LANCL1: variants seen among roughly 807,000 people sequenced by gnomAD.
LANCL1 encodes the protein LanC like glutathione S-transferase 1, also known as glutathione S-transferase LANCL1.
A neutral mutation model predicts 50.6 loss-of-function variants in LANCL1; 50 were observed. That is an observed-to-expected ratio of 0.99 (90% CI 0.79 to 1.25). The LOEUF (loss-of-function observed/expected upper bound fraction) is 1.25, where lower values mean the gene tolerates loss of function less well. LANCL1 is among the 50% of genes most tolerant of loss of function. The pLI is 0.00. For synonymous variants in LANCL1, 188 were observed against 178.6 expected (o/e 1.05, Z -0.42); for missense variants, 532 against 480.7 (o/e 1.11, Z -1.00).
intron 4 of LANCL1, among the ~76,000 whole-genome samples, chr2:210,447,889 T>TC (rs1489743540): frequency 1.3e-5 from 2 of 152,062 alleles, no homozygotes; most frequent in Non-Finnish European, 2.9e-5. Flanking sequence ...AGACTTAGAC[T>TC]CCCACACAAA....
chr2:210,468,638 G>C (rs1474296714), intron 3 of LANCL1: 1 of 152,236 alleles, frequency 6.6e-6, no homozygotes, highest in Non-Finnish European at 1.5e-5. Context: ...TTTAAAGGGA[G>C]AGCATGCATT....
rs531707231 is a variant in LANCL1, at chr2:210,450,623, A to G, written c.407+4484T>C. Among the ~76,000 whole-genome samples the G allele has an allele frequency of 8.5e-5, 13 of 152,308 alleles. No homozygotes were observed. In the South Asian group the frequency reaches 2.7e-3, roughly 32 times the overall value. On this transcript the variant is annotated intron_variant, in intron 4 of 9. Transcript: ENST00000450366. ...GACAAAGGGCTAATATCCAGAATCTACAAATTTACAAGAAAAAAACATAAC... is the reference window on the plus strand; with the variant it reads ...GACAAAGGGCTAATATCCAGAATCTGCAAATTTACAAGAAAAAAACATAAC...
At chr2:210,462,926 G>A (rs1030775261) in intron 3 of LANCL1, among the ~76,000 whole-genome samples, 8 of 152,148 alleles carry the variant, frequency 5.3e-5, no homozygotes, top group Non-Finnish European at 7.3e-5. Context: ...TATGGAATGA[G>A]TATCATGTCA....
rs1483662492 is a variant in LANCL1 at position 210,431,370 on chromosome 2, G to A, written c.*3117C>T. ...AACATAACATTGGGGTAGTTTCCCT[G>A]AATATCCCAAACAGTTTGCTTTATA... On this transcript the variant is annotated 3_prime_UTR_variant, in exon 10 of 10. Transcript: ENST00000450366. 1 of 152,178 alleles carries A rather than the reference G, an allele frequency of 6.6e-6. No homozygotes were observed. The highest frequency in any genetic ancestry group is 2.4e-5 in the African/African-American group (1 of 41,436). 9.4% of individuals were successfully genotyped at this position (152,178 alleles called of 1,614,324 possible). A position where few individuals can be genotyped will look rare whatever the true frequency, so the allele number is the denominator to read the frequency against.
intron 3 of LANCL1, chr2:210,468,803 G>A (rs1350774593): frequency 6.6e-6 from 1 of 152,200 alleles, no homozygotes; most frequent in Non-Finnish European, 1.5e-5. Context: ...TTAACATCCT[G>A]AAGCTACACT....
intron 3 of LANCL1, among the ~76,000 whole-genome samples, chr2:210,467,830 C>G (rs182149716): frequency 1.3e-5 from 2 of 152,166 alleles, no homozygotes; most frequent in Non-Finnish European, 2.9e-5. Context: ...AATCTAGACA[C>G]ACCATGAATG....
intron 8 of LANCL1, 75 bp from the exon 9 acceptor site, chr2:210,435,534 TACA>T: frequency 9.3e-7 from 1 of 1,073,848 alleles, no homozygotes; most frequent in South Asian, 1.3e-5. Context: ...AGGTTGTCTA[TACA>T]AATTACTCTG....
At chr2:210,473,111 A>C (rs929715521) in intron 2 of LANCL1, among the ~76,000 whole-genome samples, 2 of 152,150 alleles carry the variant, frequency 1.3e-5, no homozygotes, top group Non-Finnish European at 2.9e-5. Context: ...CACAGTGGCT[A>C]ATGCCTGTAA....
chr2:210,440,909 G>C (rs988982486), intron 5 of LANCL1, among the ~76,000 whole-genome samples, 165 bp from the exon 6 acceptor site: 2 of 152,186 alleles, frequency 1.3e-5, no homozygotes, highest in Non-Finnish European at 2.9e-5. Flanking sequence ...AAGTGTGTGG[G>C]ACTGTATTTA....
chr2:210,434,932 C>G (rs929396106), intron 9 of LANCL1, among the ~76,000 whole-genome samples: 1 of 151,936 alleles, frequency 6.6e-6, no homozygotes, highest in Non-Finnish European at 1.5e-5. Context: ...AATCTATCTA[C>G]GTTTACATAC....
intron 4 of LANCL1, among the ~76,000 whole-genome samples, chr2:210,443,021 G>A (rs1042388427): frequency 6.6e-6 from 1 of 152,132 alleles, no homozygotes; most frequent in African/African-American, 2.4e-5. Flanking sequence ...CTTAGGAGGG[G>A]GTTATAAGCC....
intron 3 of LANCL1, among the ~76,000 whole-genome samples, chr2:210,458,921 T>C (rs551671156): frequency 1.3e-5 from 2 of 152,334 alleles, no homozygotes; most frequent in East Asian, 1.9e-4. Flanking sequence ...TTTTCTTTCA[T>C]CTTTTTATCA....
intron 4 of LANCL1, among the ~76,000 whole-genome samples, chr2:210,447,836 G>A (rs935694571): frequency 1.3e-4 from 20 of 152,122 alleles, no homozygotes. Context: ...CCCAATACAG[G>A]AGCACCCAGA....
At chr2:210,469,540 C>T (rs533853111) in intron 3 of LANCL1, among the ~76,000 whole-genome samples, 2 of 152,144 alleles carry the variant, frequency 1.3e-5, no homozygotes, top group Admixed American at 1.3e-4. Context: ...AAACAACCAG[C>T]TGCTAAGGAC....
intron 4 of LANCL1, among the ~76,000 whole-genome samples, chr2:210,443,637 C>T (rs763750153): frequency 3.9e-5 from 6 of 152,112 alleles, no homozygotes; most frequent in Admixed American, 6.5e-5. Context: ...AAGCAGTGTG[C>T]CGTGCCTGTG....
chr2:210,459,680 C>T (rs1693784677), intron 3 of LANCL1, among the ~76,000 whole-genome samples: 1 of 152,034 alleles, frequency 6.6e-6, no homozygotes, highest in Non-Finnish European at 1.5e-5. Flanking sequence ...GGAAGTCTGG[C>T]ACTGCCTGTC....
At chr2:210,464,985 A>ACAACAACAACAAC (rs769903779) in intron 3 of LANCL1, among the ~76,000 whole-genome samples, 43 of 151,274 alleles carry the variant, frequency 2.8e-4, no homozygotes, top group South Asian at 2.3e-3. Context: ...AAAAAAAAAA[A>ACAACAACAACAAC]AAAAAACTTA....
intron 6 of LANCL1, among the ~76,000 whole-genome samples, chr2:210,438,353 T>G (rs1051080651): frequency 2.6e-5 from 4 of 152,190 alleles, no homozygotes; most frequent in African/African-American, 9.7e-5. Context: ...CAGGCTGGTT[T>G]TGAATTCCTG....
intron 3 of LANCL1, among the ~76,000 whole-genome samples, chr2:210,462,584 T>C (rs1355674648): frequency 6.6e-6 from 1 of 152,194 alleles, no homozygotes; most frequent in Non-Finnish European, 1.5e-5. Context: ...GAAGCAATTA[T>C]GAGGAAAAGC....
Sources: allele counts gnomAD v4.1 joint callset (sites outside exome capture counted in the v4.1 genomes callset), GRCh38; gene constraint gnomAD v4.1.1; transcripts MANE v1.5; gene names NCBI Gene and HGNC (gene_info 2026-07-23, HGNC 2026-07-21).